Variants in TTLL5 observed in about 807,000 individuals in gnomAD.
TTLL5 encodes the protein tubulin polyglutamylase TTLL5.
Under a neutral mutation model 168.4 loss-of-function variants are expected in TTLL5, and 132 were observed. That is an observed-to-expected ratio of 0.78 (90% CI 0.68 to 0.91). The LOEUF is 0.91. TTLL5 is among the 40% of genes least tolerant of loss of function. The pLI is 0.00. For synonymous variants in TTLL5, 546 were observed against 558.6 expected (o/e 0.98, Z 0.32); for missense variants, 1,545 against 1,581.5 (o/e 0.98, Z 0.39).
intron 29 of TTLL5, among the ~76,000 whole-genome samples, chr14:75,875,064 A>C (rs1245591596): frequency 6.7e-6 from 1 of 148,752 alleles, no homozygotes; most frequent in Non-Finnish European, 1.5e-5. Context: ...CTCCCAAGTA[A>C]CTGAGACTAC....
Position 75,706,050 on chromosome 14 carries a change from G to A in TTLL5, c.586-968G>A, listed in dbSNP as rs1015700829. 3.3e-5 allele frequency among the ~76,000 whole-genome samples: 5 copies of A among 152,012 alleles called. No individual in the cohort carries two copies. The South Asian group carries it at 1.0e-3, about 32-fold the overall frequency. On this transcript the variant is annotated intron_variant, in intron 7 of 31. Transcript: ENST00000298832. ...TCCCAGTTCAGTCTTTTAGCCCCAG[G>A]TCTGTGAATCGGCCCACCCTCCTTT...
chr14:75,690,378 T>C, intron 6 of TTLL5, 56 bp downstream of exon 6: 1 of 1,543,966 alleles, frequency 6.5e-7, no homozygotes. Flanking sequence ...GGGGAATATT[T>C]ACCCCAAAAG....
At chr14:75,780,100 T>C (rs1891958031) in intron 24 of TTLL5, among the ~76,000 whole-genome samples, 1 of 152,204 alleles carries the variant, frequency 6.6e-6, no homozygotes, top group African/African-American at 2.4e-5. Context: ...CCAAGGTTAT[T>C]CTTTATCGTG....
intron 24 of TTLL5, among the ~76,000 whole-genome samples, chr14:75,781,412 A>G (rs186891531): frequency 7.2e-4 from 109 of 152,274 alleles, no homozygotes; most frequent in African/African-American, 2.5e-3. Flanking sequence ...TACCACTGCT[A>G]TTGGCGATGG....
chr14:75,739,188 A>G (rs1889094747), intron 15 of TTLL5, among the ~76,000 whole-genome samples: 1 of 151,984 alleles, frequency 6.6e-6, no homozygotes. Context: ...GAATTACCGT[A>G]GGTTGTAATA....
At chr14:75,733,947 T>G in intron 13 of TTLL5, 42 bp from the exon 14 acceptor site, 1 of 1,598,008 alleles carries the variant, frequency 6.3e-7, no homozygotes, top group Non-Finnish European at 8.6e-7. Context: ...TCTGTTAACC[T>G]ACACACTTAT....
chr14:75,698,880 G>A (rs1886057281), intron 6 of TTLL5, among the ~76,000 whole-genome samples: 1 of 151,346 alleles, frequency 6.6e-6, no homozygotes, highest in South Asian at 2.1e-4. Flanking sequence ...ACTCCAGCCT[G>A]GTCAACAGAG....
At chr14:75,772,685 T>C (rs934287940) in intron 21 of TTLL5, among the ~76,000 whole-genome samples, 4 of 150,542 alleles carry the variant, frequency 2.7e-5, no homozygotes, top group Admixed American at 1.3e-4. Flanking sequence ...TTTTTTTTTT[T>C]GAGACAGAGT....
intron 29 of TTLL5, among the ~76,000 whole-genome samples, chr14:75,864,726 C>G (rs2030365511): frequency 6.6e-6 from 1 of 152,084 alleles, no homozygotes; most frequent in African/African-American, 2.4e-5. Flanking sequence ...ATTCTATAAG[C>G]TTTTCTGACA....
chr14:75,832,976 A>G (rs1895665196), intron 28 of TTLL5, among the ~76,000 whole-genome samples: 1 of 152,082 alleles, frequency 6.6e-6, no homozygotes, highest in Non-Finnish European at 1.5e-5. Flanking sequence ...TTGTCCATCC[A>G]GTTCCCAGTT....
At chr14:75,798,121 T>A (rs764634242) in intron 27 of TTLL5, among the ~76,000 whole-genome samples, 1 of 152,060 alleles carries the variant, frequency 6.6e-6, no homozygotes, top group Non-Finnish European at 1.5e-5. Context: ...TCAATATTGC[T>A]GCTTGCTGTT....
chr14:75,928,271 G>T (rs2034142869), intron 31 of TTLL5, among the ~76,000 whole-genome samples: 1 of 147,960 alleles, frequency 6.8e-6, no homozygotes, highest in Non-Finnish European at 1.5e-5. Flanking sequence ...TCAAACAGAA[G>T]AGTTTATGTC....
At chr14:75,676,468 T>C (rs1884164165) in intron 3 of TTLL5, among the ~76,000 whole-genome samples, 1 of 152,212 alleles carries the variant, frequency 6.6e-6, no homozygotes, top group African/African-American at 2.4e-5. Context: ...GTCTAAAATA[T>C]ACTACCCACC....
At chr14:75,933,175 T>G (rs1486316240) in intron 31 of TTLL5, among the ~76,000 whole-genome samples, 3 of 152,202 alleles carry the variant, frequency 2.0e-5, no homozygotes, top group African/African-American at 7.2e-5. Flanking sequence ...AATAAATATT[T>G]GGCTCGGCAC....
At chr14:75,786,423 T>C (rs1892369109) in intron 26 of TTLL5, among the ~76,000 whole-genome samples, 1 of 152,194 alleles carries the variant, frequency 6.6e-6, no homozygotes, top group Non-Finnish European at 1.5e-5. Context: ...CTTTTTTGAC[T>C]CTTGGATTAT....
At chr14:75,715,831 C>T (rs1486946001) in intron 9 of TTLL5, among the ~76,000 whole-genome samples, 1 of 150,504 alleles carries the variant, frequency 6.6e-6, no homozygotes, top group Non-Finnish European at 1.5e-5. Context: ...AGATGTGCAG[C>T]CCTCTTGAAA....
intron 29 of TTLL5, among the ~76,000 whole-genome samples, chr14:75,873,582 C>T (rs2031222553): frequency 6.6e-6 from 1 of 152,138 alleles, no homozygotes; most frequent in Non-Finnish European, 1.5e-5. Context: ...TGACAGGATT[C>T]CCTTCTTTTT....
At chr14:75,671,869 C>G (rs1473660099) in intron 3 of TTLL5, among the ~76,000 whole-genome samples, 3 of 152,130 alleles carry the variant, frequency 2.0e-5, no homozygotes, top group African/African-American at 7.2e-5. Flanking sequence ...CCTTTTATTT[C>G]TTTTTCTTCC....
At chr14:75,892,726 T>G (rs1195279574) in intron 30 of TTLL5, among the ~76,000 whole-genome samples, 1 of 152,124 alleles carries the variant, frequency 6.6e-6, no homozygotes. Flanking sequence ...GTAGTAAAAC[T>G]GGCATGAACC....
Sources: allele counts gnomAD v4.1 joint callset (sites outside exome capture counted in the v4.1 genomes callset), GRCh38; gene constraint gnomAD v4.1.1; transcripts MANE v1.5; gene names NCBI Gene and HGNC (gene_info 2026-07-23, HGNC 2026-07-21).